The following PPM1B variants were observed in gnomAD, a reference collection of about 807,000 sequenced individuals.
The protein encoded by PPM1B is protein phosphatase 1B.
In PPM1B, 22 loss-of-function variants were observed where a neutral mutation model predicts 43.0. The observed-to-expected ratio is 0.51, with a 90% CI of 0.37 to 0.73. PPM1B has a LOEUF of 0.73. Ranked by LOEUF, PPM1B falls within the 30% of genes least tolerant of loss-of-function variation. The probability of loss-of-function intolerance (pLI) is 0.00; values close to 1 mark genes in which losing one functional copy is unlikely to be tolerated. For synonymous variants in PPM1B, 217 were observed against 197.9 expected, an observed-to-expected ratio of 1.10 and a Z score of -0.81; for missense variants, 632 against 584.2, an observed-to-expected ratio of 1.08 and a Z score of -0.84.
chr2:44,172,349 T>C (rs936599024), intron 1 of PPM1B, among the ~76,000 whole-genome samples: 4 of 152,232 alleles, frequency 2.6e-5, no homozygotes, highest in African/African-American at 9.6e-5. Context: ...TTCACTATGC[T>C]ATACTCAAAC....
At position 44,229,893 on chromosome 2, in the gene PPM1B, C is replaced by G. The variant is rs1670392393; in HGVS notation, c.1135-520C>G. On this transcript the variant is annotated intron_variant, in intron 5 of 5. Coordinates refer to ENST00000282412, the MANE Select transcript of PPM1B (RefSeq NM_002706.6). The stretch of plus-strand genomic sequence containing the variant: ...AGAGATGTTTTTATCAAAATAAGAG[C>G]AAAAAGTAAATACAATTTTTATCCG... The G allele has an allele frequency of 7.1e-6, 8 of 1,134,438 alleles. No individual in the cohort carries two copies. In the East Asian group the frequency reaches 2.2e-4, roughly 31 times the overall value. The allele number at this position is 1,134,438 out of a possible 1,614,324, so 70.3% of individuals were successfully genotyped here.
At chr2:44,232,525 A>C (rs1670497890), downstream of PPM1B, 2 of 1,452,192 alleles carry the variant, frequency 1.4e-6, no homozygotes, top group African/African-American at 2.9e-5. Context: ...GACAGTTGCC[A>C]CTTGTAGCAT....
intron 3 of PPM1B, among the ~76,000 whole-genome samples, chr2:44,210,033 G>A (rs1321900443): frequency 1.3e-5 from 2 of 152,034 alleles, no homozygotes; most frequent in Non-Finnish European, 2.9e-5. Flanking sequence ...AGAATCCAGT[G>A]AAATTTCCCC....
chr2:44,221,152 T>G (rs916272122), intron 5 of PPM1B, among the ~76,000 whole-genome samples: 13 of 152,206 alleles, frequency 8.5e-5, no homozygotes, highest in Non-Finnish European at 1.9e-4. Flanking sequence ...CAGGTAGTTG[T>G]GAAATAATTA....
intron 1 of PPM1B, among the ~76,000 whole-genome samples, chr2:44,177,390 T>C (rs898680418): frequency 4.0e-5 from 6 of 151,430 alleles, no homozygotes; most frequent in Admixed American, 6.6e-5. Context: ...CTGGAGTGTT[T>C]GGAATTGCAA....
At position 44,191,841 on chromosome 2, in the gene PPM1B, G is replaced by A. The variant is rs74360293; in HGVS notation, c.-14-9345G>A. 3.6e-3 allele frequency among the ~76,000 whole-genome samples: 547 copies of A among 151,914 alleles called. 3 individuals carry two copies. The highest frequency in any genetic ancestry group is 0.013 in the African/African-American group (528 of 41,404). On this transcript the variant is annotated intron_variant, in intron 1 of 5. Coordinates refer to ENST00000282412, the MANE Select transcript of PPM1B (RefSeq NM_002706.6). ...TTATTTTTTCCCCTTTTTTCCCTCTGGGAAATGTTAGGTTTTATCTTTATC... is the reference window on the plus strand; with the variant it reads ...TTATTTTTTCCCCTTTTTTCCCTCTAGGAAATGTTAGGTTTTATCTTTATC...
At chr2:44,215,238 C>G (rs964417817) in intron 3 of PPM1B, among the ~76,000 whole-genome samples, 2 of 152,132 alleles carry the variant, frequency 1.3e-5, no homozygotes, top group African/African-American at 2.4e-5. Flanking sequence ...GATGCCGAGG[C>G]AGAAGGATTG....
rs148638790 is a variant in PPM1B, at chr2:44,226,908, C to G, written c.1135-3505C>G. On this transcript the variant is annotated intron_variant, in intron 5 of 5. Coordinates refer to ENST00000282412, the MANE Select transcript of PPM1B (RefSeq NM_002706.6). Reference sequence around the variant, plus strand: ...ACATGTTGTTCCATCTCAACCCTTCCTGAATAGATTAAAATGGGAAACTTT... The same window carrying G: ...ACATGTTGTTCCATCTCAACCCTTCGTGAATAGATTAAAATGGGAAACTTT... Among the ~76,000 whole-genome samples the G allele has an allele frequency of 6.9e-3, 1,035 of 149,066 alleles. 11 individuals are homozygous for G. Among genetic ancestry groups the G allele is most frequent in the African/African-American group, 0.024 (993 of 40,878 alleles).
At chr2:44,171,388 G>A (rs1346482638) in intron 1 of PPM1B, among the ~76,000 whole-genome samples, 5 of 152,190 alleles carry the variant, frequency 3.3e-5, no homozygotes, top group Non-Finnish European at 7.3e-5. Context: ...GTCAGAAAAA[G>A]TGGCTCTTGT....
chr2:44,244,188 A>T lies in PPM1B; in HGVS notation n.1547-40A>T, dbSNP rs1054758884. 7 of 513,708 alleles carry T rather than the reference A, an allele frequency of 1.4e-5. No individual in the cohort carries two copies. In the African/African-American group the frequency reaches 2.7e-4, roughly 20 times the overall value. 31.8% of individuals were successfully genotyped at this position (513,708 alleles called of 1,614,324 possible). On this transcript the variant is annotated intron_variant and non_coding_transcript_variant, in intron 5 of 5. Transcript: ENST00000378540. ...CAATCCTGCAAGAAAAAAAAAAACC[A>T]TATATATATATATATTTCAATTTCT... is the stretch of plus-strand genomic sequence containing the variant.
At chr2:44,210,893 T>G (rs1669432247) in intron 3 of PPM1B, among the ~76,000 whole-genome samples, 1 of 152,086 alleles carries the variant, frequency 6.6e-6, no homozygotes. Flanking sequence ...ATCCCAGCAC[T>G]TTGGGAGGCT....
Position 44,201,689 on chromosome 2 carries a change from T to G in PPM1B, c.490T>G (p.Phe164Val). Residue 164 changes from phenylalanine to valine, a missense_variant, in exon 2 of 6, where the codon TTT becomes GTT. Physicochemically the swap from Phe to Val is conservative, Grantham distance 50 (BLOSUM62 -1). Transcript: ENST00000282412. The surrounding 1 kb of genome is among the most constrained non-coding windows in gnomAD (Gnocchi z 5.4). ...TCTGTATAGGAATGGACAAGTCTGC[T>G]TTTCTACCCAGGATCACAAACCTTG... ...AVLYRNGQVC[F>V]STQDHKPCNP... 1 of 1,614,188 alleles carries G rather than the reference T, an allele frequency of 6.2e-7. No homozygotes were observed. The highest frequency in any genetic ancestry group is 8.5e-7 in the Non-Finnish European group (1 of 1,180,016).
intron 5 of PPM1B, among the ~76,000 whole-genome samples, chr2:44,241,500 C>G (rs1259877783): frequency 7.0e-6 from 1 of 143,056 alleles, no homozygotes; most frequent in African/African-American, 2.5e-5. Flanking sequence ...GGGAGGGCCA[C>G]CTGGAGAGAT....
rs113990864 is a variant in PPM1B at position 44,241,006 on chromosome 2, ATTT to A, written n.1547-3210_1547-3208del. On this transcript the variant is annotated intron_variant and non_coding_transcript_variant, in intron 5 of 5. Coordinates refer to the PPM1B transcript ENST00000378540. Reference sequence around the variant, plus strand: ...GAAATTGGGAAGCATCTTTATTTTTATTTTTTTTTTTTTTGAGACGGAGTTTCA... The same window carrying A: ...GAAATTGGGAAGCATCTTTATTTTTATTTTTTTTTTTGAGACGGAGTTTCA... 1.3e-4 allele frequency among the ~76,000 whole-genome samples: 17 copies of A among 133,750 alleles called. 1 individual carries two copies. Among genetic ancestry groups the A allele is most frequent in the East Asian group, 2.3e-4 (1 of 4,394 alleles). The allele number at this position is 133,750 out of a possible 152,430, so 87.7% of individuals were successfully genotyped here.
intron 2 of PPM1B, among the ~76,000 whole-genome samples, chr2:44,205,753 C>G (rs1041408626): frequency 6.6e-6 from 1 of 151,884 alleles, no homozygotes; most frequent in Non-Finnish European, 1.5e-5. Context: ...TCCAAAATTT[C>G]ATTTATATAC....
Position 44,230,742 on chromosome 2 carries a change from G to A in PPM1B, c.*24G>A, listed in dbSNP as rs1455899776. Reference sequence around the variant, plus strand: ...GACTTTCCTTTTTGGTAATATTTTTGTGATCTTTGATGGTTTTTAACCTAG... The same window carrying A: ...GACTTTCCTTTTTGGTAATATTTTTATGATCTTTGATGGTTTTTAACCTAG... On this transcript the variant is annotated 3_prime_UTR_variant, in exon 6 of 6. Coordinates refer to ENST00000282412, the MANE Select transcript of PPM1B (RefSeq NM_002706.6). The A allele has an allele frequency of 1.7e-5, 27 of 1,596,198 alleles. No homozygotes were observed. The highest frequency in any genetic ancestry group is 2.1e-5 in the Non-Finnish European group (25 of 1,168,850).
downstream of PPM1B, chr2:44,233,639 A>G (rs1670531569): frequency 1.0e-6 from 1 of 985,774 alleles, no homozygotes; most frequent in Non-Finnish European, 1.2e-6. Context: ...AGTTAAAATG[A>G]GTCATCATCT....
Position 44,201,065 on chromosome 2 carries a change from C to A in PPM1B, c.-14-121C>A. On this transcript the variant is annotated intron_variant, in intron 1 of 5. Transcript: ENST00000282412. This position sits in a 1 kb window ranked among gnomAD's most constrained non-coding sequence, Gnocchi z 5.4. ...TTTCTTGGGCTTTTGTTGTTGCTCC[C>A]GTAAATTAGGATAATACTAAAAAAA... 5.6e-6 allele frequency: 6 copies of A among 1,074,508 alleles called. No individual in the cohort carries two copies. In the South Asian group the frequency reaches 7.5e-5, roughly 13 times the overall value. The allele number at this position is 1,074,508 out of a possible 1,614,324, so 66.6% of individuals were successfully genotyped here.
intron 1 of PPM1B, among the ~76,000 whole-genome samples, chr2:44,174,002 T>C (rs1487860923): frequency 6.6e-6 from 1 of 152,220 alleles, no homozygotes; most frequent in Non-Finnish European, 1.5e-5. Context: ...CCTTGTAGCT[T>C]AATCAATTGT....
Sources: allele counts gnomAD v4.1 joint callset (sites outside exome capture counted in the v4.1 genomes callset), GRCh38; gene constraint gnomAD v4.1.1; non-coding constraint Gnocchi (gnomAD v3.1); transcripts MANE v1.5; gene names NCBI Gene and HGNC (gene_info 2026-07-23, HGNC 2026-07-21).